The following EVX2 variants were observed in gnomAD, a reference collection of about 807,000 sequenced individuals.
EVX2 encodes even-skipped homeobox 2, also known as homeobox even-skipped homolog protein 2.
In EVX2, 10 loss-of-function variants were observed where a neutral mutation model predicts 19.2. That is an observed-to-expected ratio of 0.52 (90% CI 0.32 to 0.89). EVX2 has a LOEUF of 0.89. Among genes scored for constraint, EVX2 ranks in the 40% least tolerant of loss-of-function variants. EVX2 has a pLI of 0.03. For missense variants in EVX2, 710 were observed against 694.9 expected, an observed-to-expected ratio of 1.02 and a Z score of -0.24; for synonymous variants, 354 against 328.4, an observed-to-expected ratio of 1.08 and a Z score of -0.84.
Position 176,083,278 on chromosome 2 carries a change from G to A in EVX2, c.427+72C>T, listed in dbSNP as rs1314000768. The A allele has an allele frequency of 6.8e-7, 1 of 1,470,612 alleles. No individual in the cohort carries two copies. Among genetic ancestry groups the A allele is most frequent in the Non-Finnish European group, 9.2e-7 (1 of 1,092,628 alleles). The allele number at this position is 1,470,612 out of a possible 1,614,324, so 91.1% of individuals were successfully genotyped here. On this transcript the variant is annotated intron_variant, in intron 1 of 2. Transcript: ENST00000308618. This position sits in a 1 kb window ranked among gnomAD's most constrained non-coding sequence, Gnocchi z 4.4. ...GGTCTGAGAGGGGAAAAGGCACCGG[G>A]AAAGGCTGGCGGGGGCCGCGGAGGA...
chr2:176,080,336 G>A lies in EVX2; in HGVS notation c.1202C>T (p.Ala401Val). The change falls in exon 3 of 3, where the codon GCC becomes GTC. Residue 401 changes from alanine to valine, a missense_variant. Ala to Val is a moderately conservative substitution (Grantham distance 64). Coordinates refer to ENST00000308618, the MANE Select transcript of EVX2 (RefSeq NM_001080458.2). This position sits in a 1 kb window ranked among gnomAD's most constrained non-coding sequence, Gnocchi z 7.0. ...SCHSSQSAAA[A>V]AAAAAAALGS... is the part of the protein sequence containing the mutation. ...CAGGGCTGCGGCAGCTGCTGCCGCG[G>A]CTGCCGCCGCCGACTGACTGCTGTG... The A allele has an allele frequency of 7.8e-7, 1 of 1,275,736 alleles. No homozygotes were observed. The highest frequency in any genetic ancestry group is 1.0e-6 in the Non-Finnish European group (1 of 997,498). The allele number at this position is 1,275,736 out of a possible 1,614,324, so 79.0% of individuals were successfully genotyped here. A position where few individuals can be genotyped will look rare whatever the true frequency, so the allele number is the denominator to read the frequency against.
rs1334623727 is a variant in EVX2, at chr2:176,083,213, G to A, written c.427+137C>T. The A allele has an allele frequency of 1.2e-5, 11 of 918,158 alleles. No homozygotes were observed. The highest frequency in any genetic ancestry group is 1.8e-5 in the Non-Finnish European group (11 of 618,050). 56.9% of individuals were successfully genotyped at this position (918,158 alleles called of 1,614,324 possible). On this transcript the variant is annotated intron_variant, in intron 1 of 2. Transcript: ENST00000308618. The surrounding 1 kb of genome is among the most constrained non-coding windows in gnomAD (Gnocchi z 4.4). ...AGGCACGGTCCCAGACATGCGTCCC[G>A]CCCCCGCCCGTGCTAGCTCGGTGTA...
chr2:176,082,355 C>T lies in EVX2; in HGVS notation c.522G>A (p.Gly174=), dbSNP rs1362212452. 4 of 1,601,414 alleles carry T rather than the reference C, an allele frequency of 2.5e-6. No individual in the cohort carries two copies. In the East Asian group the frequency reaches 9.0e-5, roughly 36 times the overall value. Reference sequence around the variant, plus strand: ...AGCCGGAGCCACCCAGCGCCGCGCTCCCGCCGCTGCCTCCGCTGCCTCCAT... The same window carrying T: ...AGCCGGAGCCACCCAGCGCCGCGCTTCCGCCGCTGCCTCCGCTGCCTCCAT... ...SLHGGSGGSG[G]SAALGGSGSG... is the part of the protein sequence containing the mutation. The change falls in exon 2 of 3, where the codon GGG becomes GGA. Residue 174 remains glycine (G), a synonymous_variant. Coordinates refer to ENST00000308618, the MANE Select transcript of EVX2 (RefSeq NM_001080458.2). This position sits in a 1 kb window ranked among gnomAD's most constrained non-coding sequence, Gnocchi z 5.2.
Position 176,082,160 on chromosome 2 carries a change from A to C in EVX2, c.699+18T>G. ...TGCCCCCGGGGAGGCCAGAGCAGGC[A>C]TGCACTGGAATTGATACCTTGATGG... On this transcript the variant is annotated intron_variant, in intron 2 of 2. Coordinates refer to ENST00000308618, the MANE Select transcript of EVX2 (RefSeq NM_001080458.2). This position sits in a 1 kb window ranked among gnomAD's most constrained non-coding sequence, Gnocchi z 5.2. 1 of 1,558,896 alleles carries C rather than the reference A, an allele frequency of 6.4e-7. No homozygotes were observed. Among genetic ancestry groups the C allele is most frequent in the Non-Finnish European group, 8.7e-7 (1 of 1,152,678 alleles).
In EVX2 at chr2:176,081,563, G is replaced by A. The variant is rs908972430; in HGVS notation, c.699+615C>T. Among the ~76,000 whole-genome samples the A allele has an allele frequency of 2.6e-5, 4 of 152,026 alleles. No homozygotes were observed. The highest frequency in any genetic ancestry group is 9.7e-5 in the African/African-American group (4 of 41,360). On this transcript the variant is annotated intron_variant, in intron 2 of 2. Transcript: ENST00000308618. The surrounding 1 kb of genome is among the most constrained non-coding windows in gnomAD (Gnocchi z 5.9). ...CTGCAGTGTCGAACGCTCCATGAAGGGCTCACCAAATCGCCTAACCTCCCG... is the reference window on the plus strand; with the variant it reads ...CTGCAGTGTCGAACGCTCCATGAAGAGCTCACCAAATCGCCTAACCTCCCG...
chr2:176,083,508 G>A lies in EVX2; in HGVS notation c.269C>T (p.Ser90Phe). Residue 90 changes from serine to phenylalanine, a missense_variant, in exon 1 of 3, where the codon TCC becomes TTC. Physicochemically the swap from Ser to Phe is radical, Grantham distance 155. Transcript: ENST00000308618. This position sits in a 1 kb window ranked among gnomAD's most constrained non-coding sequence, Gnocchi z 4.4. ...QHTGSESTVS[S>F]EISSAAESRK... ...GCTCTCGGCGGCGGAGGAGATTTCGGAGGAGACGGTGCTTTCGCTGCCCGT... is the reference window on the plus strand; with the variant it reads ...GCTCTCGGCGGCGGAGGAGATTTCGAAGGAGACGGTGCTTTCGCTGCCCGT... The A allele has an allele frequency of 1.2e-6, 2 of 1,614,188 alleles. No homozygotes were observed. The highest frequency in any genetic ancestry group is 2.2e-5 in the South Asian group (2 of 91,078).
Position 176,080,272 on chromosome 2 carries a change from ACCACCACCACCGCCGCCG to A in EVX2, c.1248_1265del (p.Gly423_Gly428del), listed in dbSNP as rs1574937295. 8.0e-6 allele frequency: 10 copies of A among 1,247,992 alleles called. No individual in the cohort carries two copies. In the East Asian group the frequency reaches 3.0e-4, roughly 38 times the overall value. 77.3% of individuals were successfully genotyped at this position (1,247,992 alleles called of 1,614,324 possible). On this transcript the variant is annotated inframe_deletion, in exon 3 of 3. Transcript: ENST00000308618. This position sits in a 1 kb window ranked among gnomAD's most constrained non-coding sequence, Gnocchi z 7.0. ...CCCCGGCGCCCCCGCCGCCGCCGCC[ACCACCACCACCGCCGCCG>A]CCACCGCCACCCCGGGAACCCAGGG...
rs1689168597 is a variant in EVX2 at position 176,082,906 on chromosome 2, C to G, written c.427+444G>C. Among the ~76,000 whole-genome samples, 1 of 152,226 alleles carries G rather than the reference C, an allele frequency of 6.6e-6. No homozygotes were observed. Among genetic ancestry groups the G allele is most frequent in the Non-Finnish European group, 1.5e-5 (1 of 68,048 alleles). ...AAATATACTTTTCAACTCTTTCTCCCGCTGACCTAAACAGAGACGCCGGCG... is the reference window on the plus strand; with the variant it reads ...AAATATACTTTTCAACTCTTTCTCCGGCTGACCTAAACAGAGACGCCGGCG... On this transcript the variant is annotated intron_variant, in intron 1 of 2. Coordinates refer to ENST00000308618, the MANE Select transcript of EVX2 (RefSeq NM_001080458.2). This position sits in a 1 kb window ranked among gnomAD's most constrained non-coding sequence, Gnocchi z 5.2.
At position 176,080,718 on chromosome 2, in the gene EVX2, G is replaced by A. The variant is rs1475603998; in HGVS notation, c.820C>T (p.Leu274=). Residue 274 remains leucine, a synonymous_variant, in exon 3 of 3, where the codon CTG becomes TTG. Transcript: ENST00000308618. The surrounding 1 kb of genome is among the most constrained non-coding windows in gnomAD (Gnocchi z 7.0). ...ACGTGCGAGTGGAAGGGGTAGGGCA[G>A]GCTTCCGGTGGCGGCCGCGTGCGTC... The part of the protein sequence containing the change: ...MMTHAAATGS[L]PYPFHSHVPL... 3 of 1,606,822 alleles carry A rather than the reference G, an allele frequency of 1.9e-6. No individual in the cohort carries two copies. The highest frequency in any genetic ancestry group is 2.7e-5 in the African/African-American group (2 of 74,872).
Position 176,083,444 on chromosome 2 carries a change from C to A in EVX2, c.333G>T (p.Glu111Asp). The change falls in exon 1 of 3, where the codon GAG (glutamate) becomes GAT (aspartate). Residue 111 changes from glutamate (E) to aspartate (D), a missense_variant. Transcript: ENST00000308618. This position sits in a 1 kb window ranked among gnomAD's most constrained non-coding sequence, Gnocchi z 4.4. ...CCTCCACGTCGCTGCTCATGTCGGC[C>A]TCAGCGGCCGCCTCTGAATAATGGC... ...KPGHYSEAAA[E>D]ADMSSDVEVG... is the part of the protein sequence containing the mutation. 1.9e-6 allele frequency: 3 copies of A among 1,614,104 alleles called. No homozygotes were observed. Among genetic ancestry groups the A allele is most frequent in the Non-Finnish European group, 2.5e-6 (3 of 1,180,012 alleles).
Position 176,079,925 on chromosome 2 carries a change from G to T in EVX2, c.*182C>A. ...AATAATTTAGGGGGATGCCCGCCAG[G>T]CTTTTGCGCCTGCTCCTTCTCCCCC... On this transcript the variant is annotated 3_prime_UTR_variant, in exon 3 of 3. Coordinates refer to ENST00000308618, the MANE Select transcript of EVX2 (RefSeq NM_001080458.2). The surrounding 1 kb of genome is among the most constrained non-coding windows in gnomAD (Gnocchi z 4.4). The T allele has an allele frequency of 1.8e-6, 1 of 542,708 alleles. No homozygotes were observed. Among genetic ancestry groups the T allele is most frequent in the Non-Finnish European group, 2.9e-6 (1 of 345,784 alleles). The allele number at this position is 542,708 out of a possible 1,614,324, so 33.6% of individuals were successfully genotyped here.
Position 176,082,243 on chromosome 2 carries a change from A to G in EVX2, c.634T>C (p.Tyr212His). ...RLEKEFYREN[Y>H]VSRPRRCELA... ...TCGCACCGGCGGGGCCGCGACACAT[A>G]GTTCTCCCGGTAGAACTCCTTCTCC... The change falls in exon 2 of 3, where the codon TAT becomes CAT. Residue 212 changes from tyrosine (Y) to histidine (H), a missense_variant. Coordinates refer to ENST00000308618, the MANE Select transcript of EVX2 (RefSeq NM_001080458.2). The surrounding 1 kb of genome is among the most constrained non-coding windows in gnomAD (Gnocchi z 5.2). The G allele has an allele frequency of 1.2e-6, 2 of 1,603,658 alleles. No homozygotes were observed. The highest frequency in any genetic ancestry group is 1.3e-5 in the African/African-American group (1 of 74,894).
Position 176,080,028 on chromosome 2 carries a change from G to A in EVX2, c.*79C>T, listed in dbSNP as rs1403655112. The stretch of plus-strand genomic sequence containing the variant: ...GCAGCGGCAGCAGCGGGCAACGCGC[G>A]GAGGGCTCAGGGGGCGCACAGGGGA... On this transcript the variant is annotated 3_prime_UTR_variant, in exon 3 of 3. Transcript: ENST00000308618. This position sits in a 1 kb window ranked among gnomAD's most constrained non-coding sequence, Gnocchi z 7.0. 4.5e-6 allele frequency: 6 copies of A among 1,333,404 alleles called. No individual in the cohort carries two copies. The highest frequency in any genetic ancestry group is 2.0e-5 in the South Asian group (1 of 49,136). The allele number at this position is 1,333,404 out of a possible 1,614,324, so 82.6% of individuals were successfully genotyped here. A position where few individuals can be genotyped will look rare whatever the true frequency, so the allele number is the denominator to read the frequency against.
Position 176,080,177 on chromosome 2 carries a change from G to T in EVX2, c.1361C>A (p.Ser454Ter). The change falls in exon 3 of 3, where the codon TCG becomes TAG. Residue 454 changes from serine (S) to a stop codon, truncating the protein, a stop_gained. Transcript: ENST00000308618. LOFTEE classifies it high-confidence loss of function. The surrounding 1 kb of genome is among the most constrained non-coding windows in gnomAD (Gnocchi z 7.0). ...GGCCGTCTTACTAAGCACCGCGGCC[G>T]AGTAGGGCAGGAAGCCGCTCTCGGA... ...PRSESGFLPYSAAVLSKTAVS... is the reference protein window; with the variant it reads ...PRSESGFLPY 1 of 1,519,322 alleles carries T rather than the reference G, an allele frequency of 6.6e-7. No homozygotes were observed. The highest frequency in any genetic ancestry group is 2.7e-5 in the East Asian group (1 of 36,434). 94.1% of individuals were successfully genotyped at this position (1,519,322 alleles called of 1,614,324 possible).
chr2:176,080,960 C>G lies in EVX2; in HGVS notation c.700-122G>C, dbSNP rs1689139489. 7.0e-6 allele frequency: 9 copies of G among 1,288,650 alleles called. No homozygotes were observed. Among genetic ancestry groups the G allele is most frequent in the Non-Finnish European group, 8.3e-6 (8 of 964,070 alleles). The allele number at this position is 1,288,650 out of a possible 1,614,324, so 79.8% of individuals were successfully genotyped here. On this transcript the variant is annotated intron_variant, in intron 2 of 2. Transcript: ENST00000308618. The surrounding 1 kb of genome is among the most constrained non-coding windows in gnomAD (Gnocchi z 7.0). ...TTGGTCTACTTCTCTCCGACCAAGC[C>G]CAACCCCGAGTACCCTGTGGTCTCC...
Position 176,083,959 on chromosome 2 carries a change from T to G in EVX2, c.-183A>C. ...ATGACTGGTCAAAATGACCCATACA[T>G]CCTTCCGATCCCGAGATGTCATTCA... On this transcript the variant is annotated 5_prime_UTR_variant, in exon 1 of 3. It removes an upstream start codon present in the reference 5' UTR. Transcript: ENST00000308618. This position sits in a 1 kb window ranked among gnomAD's most constrained non-coding sequence, Gnocchi z 4.4. The G allele has an allele frequency of 1.7e-6, 1 of 596,116 alleles. No homozygotes were observed. Among genetic ancestry groups the G allele is most frequent in the South Asian group, 2.2e-5 (1 of 46,172 alleles). 36.9% of individuals were successfully genotyped at this position (596,116 alleles called of 1,614,324 possible).
In EVX2 at chr2:176,080,176, C is replaced by A. The variant is rs534535179; in HGVS notation, c.1362G>T (p.Ser454=). 5 of 1,520,974 alleles carry A rather than the reference C, an allele frequency of 3.3e-6. No individual in the cohort carries two copies. In the East Asian group the frequency reaches 1.1e-4, roughly 33 times the overall value. The allele number at this position is 1,520,974 out of a possible 1,614,324, so 94.2% of individuals were successfully genotyped here. The part of the protein sequence containing the change: ...PRSESGFLPY[S]AAVLSKTAVS... ...CGGCCGTCTTACTAAGCACCGCGGC[C>A]GAGTAGGGCAGGAAGCCGCTCTCGG... Residue 454 remains serine (S), a synonymous_variant, in exon 3 of 3, where the codon TCG becomes TCT. Coordinates refer to ENST00000308618, the MANE Select transcript of EVX2 (RefSeq NM_001080458.2). The surrounding 1 kb of genome is among the most constrained non-coding windows in gnomAD (Gnocchi z 7.0).
chr2:176,082,583 CA>C lies in EVX2; in HGVS notation c.428-135del. 1.0e-6 allele frequency: 1 copy of C among 965,046 alleles called. No homozygotes were observed. The allele number at this position is 965,046 out of a possible 1,614,324, so 59.8% of individuals were successfully genotyped here. ...GAATTGATGGGGTCTGTCATGCTTA[CA>C]AATTGCTGCCGTTAATGGAATCAAT... On this transcript the variant is annotated intron_variant, in intron 1 of 2. Coordinates refer to ENST00000308618, the MANE Select transcript of EVX2 (RefSeq NM_001080458.2). The surrounding 1 kb of genome is among the most constrained non-coding windows in gnomAD (Gnocchi z 5.2).
chr2:176,083,777 C>G lies in EVX2; in HGVS notation c.-1G>C. 2 of 1,606,074 alleles carry G rather than the reference C, an allele frequency of 1.2e-6. No homozygotes were observed. The highest frequency in any genetic ancestry group is 1.3e-5 in the African/African-American group (1 of 74,882). ...TCTCTTTTCTTATTCTTTCCATCATCTCAGCTTTCTTAAAAATGTCACAGT... is the reference window on the plus strand; with the variant it reads ...TCTCTTTTCTTATTCTTTCCATCATGTCAGCTTTCTTAAAAATGTCACAGT... On this transcript the variant is annotated 5_prime_UTR_variant, in exon 1 of 3. Coordinates refer to ENST00000308618, the MANE Select transcript of EVX2 (RefSeq NM_001080458.2). This position sits in a 1 kb window ranked among gnomAD's most constrained non-coding sequence, Gnocchi z 4.4.
Sources: allele counts gnomAD v4.1 joint callset (sites outside exome capture counted in the v4.1 genomes callset), GRCh38; gene constraint gnomAD v4.1.1; non-coding constraint Gnocchi (gnomAD v3.1); transcripts MANE v1.5; gene names NCBI Gene and HGNC (gene_info 2026-07-23, HGNC 2026-07-21).